The following NCAM2 variants were observed in gnomAD, a reference collection of about 807,000 sequenced individuals.
The protein encoded by NCAM2 is N-CAM-2.
In NCAM2, 30 loss-of-function variants were observed where a neutral mutation model predicts 98.1. The observed-to-expected ratio is 0.31, with a 90% CI of 0.23 to 0.41. The LOEUF (loss-of-function observed/expected upper bound fraction) is 0.41. Among genes scored for constraint, NCAM2 ranks in the 10% least tolerant of loss-of-function variants. NCAM2 has a pLI of 1.00. For synonymous variants in NCAM2, 368 were observed against 342.4 expected, an observed-to-expected ratio of 1.07 and a Z score of -0.83; for missense variants, 867 against 1,005.8, an observed-to-expected ratio of 0.86 and a Z score of 1.87.
intron 1 of NCAM2, among the ~76,000 whole-genome samples, chr21:21,169,164 G>A (rs1256425649): frequency 6.6e-6 from 1 of 152,064 alleles, no homozygotes; most frequent in Non-Finnish European, 1.5e-5. Flanking sequence ...CTTTGATAAA[G>A]GAGCAAAGGT....
At chr21:21,203,214 G>C (rs1039253277) in intron 1 of NCAM2, among the ~76,000 whole-genome samples, 1 of 152,246 alleles carries the variant, frequency 6.6e-6, no homozygotes, top group African/African-American at 2.4e-5. Flanking sequence ...CCGTGTAAGA[G>C]GAATCAGACT....
intron 6 of NCAM2, among the ~76,000 whole-genome samples, chr21:21,326,718 C>T (rs1041748852): frequency 6.6e-6 from 1 of 151,856 alleles, no homozygotes; most frequent in African/African-American, 2.4e-5. Flanking sequence ...GTATTAGTTT[C>T]ATCCTTTGGA....
intron 15 of NCAM2, among the ~76,000 whole-genome samples, chr21:21,501,985 C>T (rs1987666917): frequency 6.6e-6 from 1 of 151,932 alleles, no homozygotes; most frequent in South Asian, 2.1e-4. Context: ...TAGATACCTT[C>T]CAAATTTTTA....
chr21:21,053,642 A>ATCATTTTTTCCCTC (rs1266287660), intron 1 of NCAM2, among the ~76,000 whole-genome samples: 1 of 149,726 alleles, frequency 6.7e-6, no homozygotes, highest in East Asian at 2.0e-4. Flanking sequence ...CTAATGCGCT[A>ATCATTTTTTCCCTC]TCATTTTTTC....
At chr21:21,083,239 A>G (rs556336473) in intron 1 of NCAM2, among the ~76,000 whole-genome samples, 2 of 152,268 alleles carry the variant, frequency 1.3e-5, no homozygotes, top group African/African-American at 4.8e-5. Flanking sequence ...GACTGAATGA[A>G]TGAATAAAGT....
At chr21:21,406,864 G>A (rs2076748669) in intron 9 of NCAM2, among the ~76,000 whole-genome samples, 1 of 152,112 alleles carries the variant, frequency 6.6e-6, no homozygotes, top group African/African-American at 2.4e-5. Flanking sequence ...AAAAATGCAA[G>A]TTCAAGATAA....
chr21:21,152,994 C>G (rs911829199), intron 1 of NCAM2, among the ~76,000 whole-genome samples: 1 of 151,868 alleles, frequency 6.6e-6, no homozygotes, highest in African/African-American at 2.4e-5. Flanking sequence ...GTAAGTGTCT[C>G]CAGGAAGAAA....
intron 9 of NCAM2, among the ~76,000 whole-genome samples, chr21:21,399,937 A>G (rs2076593547): frequency 6.6e-6 from 1 of 152,222 alleles, no homozygotes; most frequent in Admixed American, 6.5e-5. Flanking sequence ...AATCAAGTCA[A>G]GAAATCTCAT....
intron 12 of NCAM2, among the ~76,000 whole-genome samples, chr21:21,459,597 ATTAT>A (rs773421524): frequency 2.7e-5 from 4 of 149,812 alleles, no homozygotes; most frequent in Non-Finnish European, 5.9e-5. Flanking sequence ...ATTTATATAC[ATTAT>A]TTATATGTAC....
In NCAM2 at chr21:21,538,900, A is replaced by G. The variant is rs1409776711; in HGVS notation, c.*943A>G. On this transcript the variant is annotated 3_prime_UTR_variant, in exon 18 of 18. Coordinates refer to ENST00000400546, the MANE Select transcript of NCAM2 (RefSeq NM_004540.5). Reference sequence around the variant, plus strand: ...ATATCCTCAGATATATTTTTAGCCCATGGTTTTATATAATCTTTAAGAACT... The same window carrying G: ...ATATCCTCAGATATATTTTTAGCCCGTGGTTTTATATAATCTTTAAGAACT... The G allele has an allele frequency of 6.6e-6, 1 of 152,092 alleles. No individual in the cohort carries two copies. The highest frequency in any genetic ancestry group is 1.5e-5 in the Non-Finnish European group (1 of 67,982). 9.4% of individuals were successfully genotyped at this position (152,092 alleles called of 1,614,324 possible). A position where few individuals can be genotyped will look rare whatever the true frequency, so the allele number is the denominator to read the frequency against.
At chr21:21,147,401 C>A (rs2067310765) in intron 1 of NCAM2, 1 of 510,350 alleles carries the variant, frequency 2.0e-6, no homozygotes, top group Non-Finnish European at 2.5e-6. Context: ...TCACTTCACT[C>A]TGATTTCATT....
intron 1 of NCAM2, among the ~76,000 whole-genome samples, chr21:21,096,831 G>A (rs557852843): frequency 6.6e-6 from 1 of 151,272 alleles, no homozygotes; most frequent in South Asian, 2.1e-4. Flanking sequence ...TAGTTTTTTT[G>A]TTGGCGTTAC....
In NCAM2 at chr21:21,534,552, A is replaced by G. The variant is rs1013029898; in HGVS notation, c.2298A>G (p.Lys766=). ...ATGTTTCTAGGAAAGATGGATCAAA[A>G]GAACCAATAGTGGAGATGAGAACAG... is the stretch of plus-strand genomic sequence containing the variant. ...GKAAYLKDGS[K]EPIVEMRTED... is the part of the protein sequence containing the mutation. The change falls in exon 17 of 18, where the codon AAA becomes AAG. Residue 766 remains lysine (K), a synonymous_variant. Coordinates refer to ENST00000400546, the MANE Select transcript of NCAM2 (RefSeq NM_004540.5). 1 of 1,595,392 alleles carries G rather than the reference A, an allele frequency of 6.3e-7. No homozygotes were observed. The highest frequency in any genetic ancestry group is 8.6e-7 in the Non-Finnish European group (1 of 1,169,444).
chr21:21,109,018 TG>T (rs2066404059), intron 1 of NCAM2, among the ~76,000 whole-genome samples: 1 of 152,162 alleles, frequency 6.6e-6, no homozygotes, highest in Non-Finnish European at 1.5e-5. Flanking sequence ...TTCCTTCTGA[TG>T]TCTAACTAAT....
intron 6 of NCAM2, among the ~76,000 whole-genome samples, chr21:21,332,315 A>G (rs959686531): frequency 3.3e-5 from 5 of 152,154 alleles, no homozygotes; most frequent in African/African-American, 1.2e-4. Flanking sequence ...TGACTTGGAA[A>G]AAGTTTTATT....
At chr21:21,226,414 G>T (rs1275133752) in intron 1 of NCAM2, among the ~76,000 whole-genome samples, 1 of 152,062 alleles carries the variant, frequency 6.6e-6, no homozygotes, top group Non-Finnish European at 1.5e-5. Context: ...CATTACCTCA[G>T]ATTTAATTTT....
At chr21:21,075,483 C>G (rs1473531675) in intron 1 of NCAM2, among the ~76,000 whole-genome samples, 1 of 152,150 alleles carries the variant, frequency 6.6e-6, no homozygotes, top group South Asian at 2.1e-4. Context: ...TTTTTCTTGG[C>G]TTTAGTGCAA....
rs370033455 is a variant in NCAM2 at position 21,284,338 on chromosome 21, G to A, written c.275G>A (p.Arg92His). 263 of 1,612,582 alleles carry A rather than the reference G, an allele frequency of 1.6e-4. No homozygotes were observed. Among genetic ancestry groups the A allele is most frequent in the Non-Finnish European group, 2.1e-4 (245 of 1,179,152 alleles). Reference sequence around the variant, plus strand: ...AATATAGAAGATGCAGGGATATATCGTTGTCAAGCAACAGATGCCAAAGGA... The same window carrying A: ...AATATAGAAGATGCAGGGATATATCATTGTCAAGCAACAGATGCCAAAGGA... ...NANIEDAGIY[R>H]CQATDAKGQT... The change falls in exon 3 of 18, where the codon CGT (arginine) becomes CAT (histidine). Residue 92 changes from arginine to histidine, a missense_variant. This residue lies in a region of NCAM2 where 447 missense variants were observed against 495.7 expected (regional missense o/e 0.90). Transcript: ENST00000400546.
intron 5 of NCAM2, among the ~76,000 whole-genome samples, chr21:21,297,224 G>A (rs1163977517): frequency 2.0e-5 from 3 of 151,700 alleles, no homozygotes; most frequent in Non-Finnish European, 4.4e-5. Flanking sequence ...GTAAGGACGT[G>A]CATAAATTCA....
Sources: allele counts gnomAD v4.1 joint callset (sites outside exome capture counted in the v4.1 genomes callset), GRCh38; gene constraint gnomAD v4.1.1; regional missense constraint gnomAD v4.1.1; transcripts MANE v1.5; gene names NCBI Gene and HGNC (gene_info 2026-07-23, HGNC 2026-07-21).